MTMR12: variants seen among roughly 807,000 people sequenced by gnomAD.
MTMR12 encodes myotubularin related protein 12, also known as myotubularin-related protein 12.
In MTMR12, 33 loss-of-function variants were observed where a neutral mutation model predicts 96.7. That is an observed-to-expected ratio of 0.34 (90% CI 0.26 to 0.46). MTMR12 has a LOEUF of 0.46. MTMR12 is among the 20% of genes least tolerant of loss of function. The pLI is 1.00. For synonymous variants in MTMR12, 298 were observed against 327.2 expected (o/e 0.91, Z 0.96); for missense variants, 721 against 896.1 (o/e 0.80, Z 2.49).
intron 6 of MTMR12, among the ~76,000 whole-genome samples, chr5:32,265,389 A>C (rs1749549292): frequency 6.6e-6 from 1 of 152,244 alleles, no homozygotes; most frequent in South Asian, 2.1e-4. Context: ...GGGTTTTGGC[A>C]TGCTAATCCA....
chr5:32,230,155 A>T lies in MTMR12; in HGVS notation c.1867T>A (p.Tyr623Asn). Residue 623 changes from tyrosine to asparagine, a missense_variant, in exon 16 of 16, where the codon TAC becomes AAC. Tyr to Asn is a moderately radical substitution (Grantham distance 143). Coordinates refer to ENST00000382142, the MANE Select transcript of MTMR12 (RefSeq NM_001040446.3). ...ATATGCGGTAACAACAAACCATGGTAGTCAGTGGACTTGCTATGCCAGCTG... is the reference window on the plus strand; with the variant it reads ...ATATGCGGTAACAACAAACCATGGTTGTCAGTGGACTTGCTATGCCAGCTG... The part of the protein sequence containing the change: ...YDSWHSKSTD[Y>N]HGLLLPHIEG... The T allele has an allele frequency of 6.2e-7, 1 of 1,614,204 alleles. No homozygotes were observed. The highest frequency in any genetic ancestry group is 8.5e-7 in the Non-Finnish European group (1 of 1,180,036).
chr5:32,276,594 G>T (rs1021789697), intron 2 of MTMR12, 88 bp downstream of exon 2: 8 of 1,111,504 alleles, frequency 7.2e-6, no homozygotes, highest in Admixed American at 6.2e-5. Context: ...TGAAAACAAA[G>T]GAGTTTAAAT....
chr5:32,235,269 C>A, intron 13 of MTMR12, 140 bp from the exon 14 acceptor site: 1 of 679,820 alleles, frequency 1.5e-6, no homozygotes. Context: ...ATACTCCATA[C>A]CATCCCAAGT....
At chr5:32,255,853 A>G in intron 7 of MTMR12, 85 bp from the exon 8 acceptor site, 1 of 1,196,488 alleles carries the variant, frequency 8.4e-7, no homozygotes, top group Non-Finnish European at 1.2e-6. Context: ...TACGATGAAT[A>G]CAAGCAGAGT....
intron 13 of MTMR12, among the ~76,000 whole-genome samples, chr5:32,237,016 T>A (rs1468284335): frequency 1.3e-5 from 2 of 152,138 alleles, no homozygotes; most frequent in Non-Finnish European, 2.9e-5. Flanking sequence ...GGGACACAGA[T>A]AAGTACAGGC....
At chr5:32,288,791 T>G (rs973179044) in intron 1 of MTMR12, among the ~76,000 whole-genome samples, 1 of 152,200 alleles carries the variant, frequency 6.6e-6, no homozygotes, top group Admixed American at 6.5e-5. Context: ...ATGAGTGAGC[T>G]GGAAATGCCT....
intron 1 of MTMR12, among the ~76,000 whole-genome samples, chr5:32,290,113 T>C (rs916717613): frequency 2.6e-5 from 4 of 152,240 alleles, no homozygotes; most frequent in East Asian, 1.9e-4. Flanking sequence ...TATACAGCCA[T>C]TGACTTGGCA....
At chr5:32,244,091 A>C (rs1284431334) in intron 10 of MTMR12, among the ~76,000 whole-genome samples, 1 of 152,178 alleles carries the variant, frequency 6.6e-6, no homozygotes, top group East Asian at 1.9e-4. Flanking sequence ...AGAGAACCTT[A>C]AATCTTACAG....
chr5:32,247,979 T>G, intron 10 of MTMR12, 23 bp downstream of exon 10: 1 of 1,607,328 alleles, frequency 6.2e-7, no homozygotes, highest in Non-Finnish European at 8.5e-7. Flanking sequence ...AACACAAAAG[T>G]TTTTGCTCAG....
At chr5:32,286,010 C>A (rs1327688851) in intron 1 of MTMR12, among the ~76,000 whole-genome samples, 1 of 152,082 alleles carries the variant, frequency 6.6e-6, no homozygotes, top group African/African-American at 2.4e-5. Context: ...CAACAAATAG[C>A]TCCTGAACAT....
Position 32,260,337 on chromosome 5 carries a change from A to G in MTMR12, c.713+2776T>C, listed in dbSNP as rs557212378. 1.5e-3 allele frequency among the ~76,000 whole-genome samples: 221 copies of G among 151,806 alleles called. 4 individuals are homozygous for G. Among genetic ancestry groups the G allele is most frequent in the Middle Eastern group, 0.01 (3 of 294 alleles). On this transcript the variant is annotated intron_variant, in intron 7 of 15. Transcript: ENST00000382142. ...GTAGCCTGCTTGGCATGCGACATGG[A>G]GAATGGATGCTGGGGCACCAGTGGA... is the stretch of plus-strand genomic sequence containing the variant.
chr5:32,306,047 A>G (rs181869142), intron 1 of MTMR12, among the ~76,000 whole-genome samples: 2 of 152,230 alleles, frequency 1.3e-5, no homozygotes, highest in Non-Finnish European at 2.9e-5. Context: ...CTGGTTGACA[A>G]TCTAGCAAAA....
chr5:32,305,884 C>G (rs998212253), intron 1 of MTMR12, among the ~76,000 whole-genome samples: 2 of 142,482 alleles, frequency 1.4e-5, no homozygotes, highest in African/African-American at 5.3e-5. Flanking sequence ...GCCTGGGCAA[C>G]AAGAGTGAAA....
intron 10 of MTMR12, among the ~76,000 whole-genome samples, chr5:32,246,433 T>C (rs1251396880): frequency 2.6e-5 from 4 of 152,182 alleles, no homozygotes; most frequent in African/African-American, 9.7e-5. Context: ...AAGTGCTGGA[T>C]TACAGGCATG....
chr5:32,258,137 A>G (rs929640344), intron 7 of MTMR12, among the ~76,000 whole-genome samples: 1 of 152,058 alleles, frequency 6.6e-6, no homozygotes, highest in Non-Finnish European at 1.5e-5. Context: ...AAAAAAAAAA[A>G]TGCAAAACCA....
intron 1 of MTMR12, among the ~76,000 whole-genome samples, chr5:32,293,947 T>C (rs1463515743): frequency 1.3e-5 from 2 of 152,234 alleles, no homozygotes; most frequent in African/African-American, 4.8e-5. Flanking sequence ...ACCAGAAACC[T>C]GAGAGTCACT....
At position 32,228,569 on chromosome 5, in the gene MTMR12, C is replaced by CATATATATGTG. The variant is rs1554053391; in HGVS notation, c.*1208_*1209insCACATATATAT. 6.2e-4 allele frequency: 70 copies of CATATATATGTG among 112,456 alleles called. 1 individual carries two copies. Among genetic ancestry groups the CATATATATGTG allele is most frequent in the African/African-American group, 2.6e-3 (65 of 25,026 alleles). The allele number at this position is 112,456 out of a possible 1,614,324, so 7.0% of individuals were successfully genotyped here. A position where few individuals can be genotyped will look rare whatever the true frequency, so the allele number is the denominator to read the frequency against. On this transcript the variant is annotated 3_prime_UTR_variant, in exon 16 of 16. Transcript: ENST00000382142. ...TCATATATATGTGATATATATATAT[C>CATATATATGTG]ATATATATATCATATATATGTGATA...
chr5:32,275,678 A>G (rs1421550090), intron 2 of MTMR12, among the ~76,000 whole-genome samples: 1 of 152,190 alleles, frequency 6.6e-6, no homozygotes, highest in Admixed American at 6.5e-5. Flanking sequence ...ACCGCTGCAC[A>G]CCCACACCTA....
chr5:32,297,015 A>C (rs1246201367), intron 1 of MTMR12, among the ~76,000 whole-genome samples: 4 of 151,460 alleles, frequency 2.6e-5, no homozygotes, highest in African/African-American at 9.7e-5. Flanking sequence ...AGGCAGGAGA[A>C]TGGTGTGAAC....
Sources: gnomAD v4.1 joint callset for allele counts (sites outside exome capture counted in the v4.1 genomes callset) on GRCh38, gnomAD v4.1.1 for gene constraint, MANE v1.5 for transcripts, NCBI Gene and HGNC (gene_info 2026-07-23, HGNC 2026-07-21) for gene names.